The following OPCML variants were observed in gnomAD, a reference collection of about 807,000 sequenced individuals.
OPCML encodes opioid binding protein/cell adhesion molecule like, also known as opioid-binding protein/cell adhesion molecule.
Under a neutral mutation model 37.8 loss-of-function variants are expected in OPCML, and 13 were observed. That is an observed-to-expected ratio of 0.34 (90% CI 0.22 to 0.55). The LOEUF (loss-of-function observed/expected upper bound fraction) is 0.55, where lower values mean the gene tolerates loss of function less well. Among genes scored for constraint, OPCML ranks in the 20% least tolerant of loss-of-function variants. The pLI, the probability that OPCML is intolerant of heterozygous loss-of-function variation, is 0.91. For missense variants in OPCML, 341 were observed against 435.6 expected (o/e 0.78, Z 1.93); for synonymous variants, 176 against 168.8 (o/e 1.04, Z -0.33).
intron 2 of OPCML, among the ~76,000 whole-genome samples, chr11:132,706,190 C>T (rs1404360846): frequency 6.6e-6 from 1 of 152,160 alleles, no homozygotes; most frequent in African/African-American, 2.4e-5. Flanking sequence ...TGGCTAGAGT[C>T]AATCACTACG....
At chr11:132,587,091 G>A (rs2096474498) in intron 3 of OPCML, among the ~76,000 whole-genome samples, 1 of 152,200 alleles carries the variant, frequency 6.6e-6, no homozygotes, top group Non-Finnish European at 1.5e-5. Flanking sequence ...TGCAGTGCAA[G>A]CATTCCTGAG....
intron 2 of OPCML, among the ~76,000 whole-genome samples, chr11:132,891,554 G>A (rs1055054332): frequency 3.3e-5 from 5 of 152,066 alleles, no homozygotes; most frequent in African/African-American, 1.2e-4. Context: ...ATATATAAGT[G>A]TATATTCCAG....
At chr11:132,457,215 C>G (rs2096085500) in intron 4 of OPCML, among the ~76,000 whole-genome samples, 1 of 152,168 alleles carries the variant, frequency 6.6e-6, no homozygotes, top group African/African-American at 2.4e-5. Context: ...TCTGAAAACA[C>G]AAGAGGCTCC....
In OPCML at chr11:132,811,569, TG is replaced by T. The variant is rs1314817591; in HGVS notation, c.146+131356del. ...CACCTCTTTCTTTCGGTTACGGTTT[TG>T]TGTATTTTTTCTTATGTGTCTATAT... On this transcript the variant is annotated intron_variant, in intron 2 of 7. Coordinates refer to ENST00000524381, the MANE Select transcript of OPCML (RefSeq NM_001012393.5). Among the ~76,000 whole-genome samples the T allele has an allele frequency of 2.6e-5, 4 of 152,314 alleles. No homozygotes were observed. The East Asian group carries it at 7.7e-4, about 29-fold the overall frequency.
intron 3 of OPCML, among the ~76,000 whole-genome samples, chr11:132,576,189 A>G (rs2096450235): frequency 6.6e-6 from 1 of 152,042 alleles, no homozygotes; most frequent in Non-Finnish European, 1.5e-5. Context: ...CTAGATGTCC[A>G]TTTCCTTCTC....
chr11:133,107,422 C>T (rs1312125969), intron 1 of OPCML, among the ~76,000 whole-genome samples: 1 of 152,200 alleles, frequency 6.6e-6, no homozygotes, highest in African/African-American at 2.4e-5. Flanking sequence ...AGAGGCATTG[C>T]TGTCCTTGTC....
intron 3 of OPCML, among the ~76,000 whole-genome samples, chr11:132,536,347 T>A (rs1422956356): frequency 3.3e-5 from 5 of 152,232 alleles, no homozygotes; most frequent in Non-Finnish European, 5.9e-5. Context: ...GGGGCTAAGG[T>A]TTGAACACAA....
intron 2 of OPCML, among the ~76,000 whole-genome samples, chr11:132,720,156 G>A (rs184269622): frequency 4.6e-5 from 7 of 152,336 alleles, no homozygotes; most frequent in Non-Finnish European, 7.3e-5. Flanking sequence ...TAGCCCATGC[G>A]AGAGAGACTG....
intron 1 of OPCML, among the ~76,000 whole-genome samples, chr11:133,054,995 T>G (rs1948202213): frequency 6.8e-6 from 1 of 147,298 alleles, no homozygotes; most frequent in East Asian, 2.1e-4. Flanking sequence ...CAATGCTGCC[T>G]CCATGATACT....
At chr11:132,522,380 T>C (rs1229956264) in intron 4 of OPCML, among the ~76,000 whole-genome samples, 1 of 152,184 alleles carries the variant, frequency 6.6e-6, no homozygotes, top group Non-Finnish European at 1.5e-5. Context: ...ATTATCACTT[T>C]TCTCCCAAGG....
At chr11:132,682,227 C>T (rs1236153065) in intron 2 of OPCML, among the ~76,000 whole-genome samples, 2 of 152,158 alleles carry the variant, frequency 1.3e-5, no homozygotes, top group South Asian at 2.1e-4. Flanking sequence ...AAGGCACCCT[C>T]GTCATGAGGC....
At position 133,205,780 on chromosome 11, in the gene OPCML, A is replaced by G. The variant is rs1018511650; in HGVS notation, c.62-262770T>C. Among the ~76,000 whole-genome samples the G allele has an allele frequency of 2.0e-5, 3 of 152,302 alleles. No individual in the cohort carries two copies. The highest frequency in any genetic ancestry group is 1.9e-4 in the East Asian group (1 of 5,186). ...CAAGAAAATGCCACTTGGTGTAAAGATATTTTGTGCTTATAAAATTAGGAA... is the reference window on the plus strand; with the variant it reads ...CAAGAAAATGCCACTTGGTGTAAAGGTATTTTGTGCTTATAAAATTAGGAA... On this transcript the variant is annotated intron_variant, in intron 1 of 7. Coordinates refer to ENST00000524381, the MANE Select transcript of OPCML (RefSeq NM_001012393.5). This position sits in a 1 kb window ranked among gnomAD's most constrained non-coding sequence, Gnocchi z 4.8.
chr11:132,960,444 G>T (rs1283771769), intron 1 of OPCML, among the ~76,000 whole-genome samples: 1 of 152,188 alleles, frequency 6.6e-6, no homozygotes, highest in African/African-American at 2.4e-5. Flanking sequence ...CAGGAGCGGG[G>T]ACTGCGGATG....
chr11:133,445,458 C>A (rs1336200000), intron 1 of OPCML, among the ~76,000 whole-genome samples: 1 of 152,198 alleles, frequency 6.6e-6, no homozygotes, highest in Non-Finnish European at 1.5e-5. Context: ...ATAATGGCAC[C>A]TGCCTCATCA....
At chr11:132,539,745 GTGA>G (rs2096351195) in intron 3 of OPCML, among the ~76,000 whole-genome samples, 1 of 151,890 alleles carries the variant, frequency 6.6e-6, no homozygotes, top group African/African-American at 2.4e-5. Context: ...GATGGTGATG[GTGA>G]TGATAATGGT....
chr11:133,183,998 T>C (rs901633623), intron 1 of OPCML, among the ~76,000 whole-genome samples: 13 of 152,298 alleles, frequency 8.5e-5, no homozygotes, highest in African/African-American at 3.1e-4. Context: ...ATTACCATGT[T>C]TGATAAAACG....
At chr11:132,600,926 A>G (rs1565700197) in intron 3 of OPCML, among the ~76,000 whole-genome samples, 1 of 146,460 alleles carries the variant, frequency 6.8e-6, no homozygotes, top group Non-Finnish European at 1.5e-5. Context: ...CCTGGGCTCA[A>G]GTGATCCTCC....
At chr11:133,401,955 T>C (rs946950796) in intron 1 of OPCML, among the ~76,000 whole-genome samples, 6 of 152,170 alleles carry the variant, frequency 3.9e-5, no homozygotes, top group African/African-American at 1.2e-4. Flanking sequence ...TTAGTGCTGA[T>C]TGTCAATCTT....
At chr11:132,495,674 G>C (rs903433219) in intron 4 of OPCML, among the ~76,000 whole-genome samples, 1 of 152,066 alleles carries the variant, frequency 6.6e-6, no homozygotes, top group Non-Finnish European at 1.5e-5. Context: ...GGCAGATCAC[G>C]AGGCCAGGAG....
Sources: allele counts gnomAD v4.1 joint callset (sites outside exome capture counted in the v4.1 genomes callset), GRCh38; gene constraint gnomAD v4.1.1; non-coding constraint Gnocchi (gnomAD v3.1); transcripts MANE v1.5; gene names NCBI Gene and HGNC (gene_info 2026-07-23, HGNC 2026-07-21).